Variants in LARS2 observed in about 807,000 individuals in gnomAD.
LARS2 encodes leucine--tRNA ligase, mitochondrial.
LARS2 carries 81 observed loss-of-function variants against 116.6 expected under a neutral mutation model. The ratio of observed to expected loss-of-function variants is 0.69; its 90% CI spans 0.58 to 0.84. LARS2 has a LOEUF of 0.84. LARS2 is among the 40% of genes least tolerant of loss of function. The pLI, the probability that LARS2 is intolerant of heterozygous loss-of-function variation, is 0.00. For synonymous variants in LARS2, 396 were observed against 407.2 expected (o/e 0.97, Z 0.33); for missense variants, 968 against 1,114.5 (o/e 0.87, Z 1.87).
At chr3:45,484,027 T>C (rs1435541995) in intron 10 of LARS2, 4 of 129,760 alleles carry the variant, frequency 3.1e-5, no homozygotes. Flanking sequence ...AGGGACATCC[T>C]GGCTCTACAA....
chr3:45,500,902 C>G (rs1700106731), intron 15 of LARS2, among the ~76,000 whole-genome samples: 1 of 151,996 alleles, frequency 6.6e-6, no homozygotes, highest in Non-Finnish European at 1.5e-5. Flanking sequence ...ATGCTTATCA[C>G]CCAGTCCTTC....
intron 6 of LARS2, among the ~76,000 whole-genome samples, chr3:45,426,592 G>A (rs944174538): frequency 6.6e-6 from 1 of 152,194 alleles, no homozygotes; most frequent in African/African-American, 2.4e-5. Context: ...ATAAGGGGTA[G>A]TGTAGTCTGT....
chr3:45,396,229 T>C (rs1294658671), intron 3 of LARS2, among the ~76,000 whole-genome samples: 1 of 152,224 alleles, frequency 6.6e-6, no homozygotes, highest in African/African-American at 2.4e-5. Flanking sequence ...GGCAGCCCCC[T>C]ATCAGGGTTT....
At chr3:45,399,788 C>T (rs11707177) in intron 3 of LARS2, among the ~76,000 whole-genome samples, 9 of 151,708 alleles carry the variant, frequency 5.9e-5, no homozygotes, top group African/African-American at 1.9e-4. Context: ...CCTTCACCCC[C>T]CTTTCCACCC....
At chr3:45,414,494 G>A (rs533632135) in intron 4 of LARS2, among the ~76,000 whole-genome samples, 152 of 152,266 alleles carry the variant, frequency 1.0e-3, no homozygotes, top group Non-Finnish European at 1.9e-3. Context: ...GTGAGGTGGT[G>A]CCAGTAAGTG....
At chr3:45,412,232 G>T (rs1698342570) in intron 4 of LARS2, among the ~76,000 whole-genome samples, 1 of 151,918 alleles carries the variant, frequency 6.6e-6, no homozygotes, top group Admixed American at 6.6e-5. Flanking sequence ...GGGTCAAATG[G>T]TAATTCTGTT....
At chr3:45,430,029 T>TTTTTTTTTTTTTTTTTTTTTTTG (rs1553629354) in intron 6 of LARS2, among the ~76,000 whole-genome samples, 1 of 138,762 alleles carries the variant, frequency 7.2e-6, no homozygotes, top group African/African-American at 2.8e-5. Context: ...TTTTTTTTTT[T>TTTTTTTTTTTTTTTTTTTTTTTG]GAGACAGAGT....
intron 7 of LARS2, among the ~76,000 whole-genome samples, chr3:45,448,599 A>G (rs1699059984): frequency 6.7e-6 from 1 of 150,178 alleles, no homozygotes; most frequent in South Asian, 2.1e-4. Flanking sequence ...ATATTTATTA[A>G]CAGAAAGGGA....
intron 20 of LARS2, among the ~76,000 whole-genome samples, chr3:45,529,068 C>T (rs1483978068): frequency 2.0e-5 from 3 of 152,004 alleles, no homozygotes; most frequent in Admixed American, 6.6e-5. Flanking sequence ...AGGGTTTCAC[C>T]GTGTTGCCAG....
chr3:45,534,152 A>G (rs1028901828), intron 20 of LARS2, among the ~76,000 whole-genome samples: 2 of 152,108 alleles, frequency 1.3e-5, no homozygotes, highest in South Asian at 2.1e-4. Flanking sequence ...TGGGAAACCT[A>G]TGTCTCCTGC....
chr3:45,520,320 T>C (rs767536489), intron 19 of LARS2, 24 bp downstream of exon 19: 1 of 1,589,542 alleles, frequency 6.3e-7, no homozygotes, highest in Admixed American at 1.7e-5. Context: ...CCTCATTTGC[T>C]GGTAGCAGAG....
intron 8 of LARS2, among the ~76,000 whole-genome samples, chr3:45,463,723 G>T (rs907095777): frequency 1.3e-5 from 2 of 151,848 alleles, no homozygotes; most frequent in Non-Finnish European, 2.9e-5. Flanking sequence ...CCCTAGGCAG[G>T]GTGCTAAGAA....
chr3:45,396,214 C>T (rs1698041333), intron 3 of LARS2, among the ~76,000 whole-genome samples: 1 of 152,162 alleles, frequency 6.6e-6, no homozygotes, highest in African/African-American at 2.4e-5. Context: ...TGTGTGTGAT[C>T]CCCTGGCAGC....
Position 45,462,096 on chromosome 3 carries a change from T to C in LARS2, c.750+3210T>C, listed in dbSNP as rs2125711864. Among the ~76,000 whole-genome samples the C allele has an allele frequency of 1.3e-5, 2 of 152,312 alleles. 1 individual carries two copies. The highest frequency in any genetic ancestry group is 4.8e-5 in the African/African-American group (2 of 41,572). ...TGAATCAGTTAGTAATGCTTTCGGC[T>C]GCAAGCAGCTGGAAACCTGAGAAAT... On this transcript the variant is annotated intron_variant, in intron 8 of 21. Coordinates refer to ENST00000645846, the MANE Select transcript of LARS2 (RefSeq NM_015340.4).
At chr3:45,545,932 C>T (rs1187094717) in intron 21 of LARS2, among the ~76,000 whole-genome samples, 1 of 151,636 alleles carries the variant, frequency 6.6e-6, no homozygotes, top group Non-Finnish European at 1.5e-5. Flanking sequence ...GTTATTCACT[C>T]CAGAATCTGG....
At chr3:45,392,210 T>G (rs895774424) in intron 2 of LARS2, among the ~76,000 whole-genome samples, 1 of 152,218 alleles carries the variant, frequency 6.6e-6, no homozygotes, top group Non-Finnish European at 1.5e-5. Flanking sequence ...ATTGCTAACA[T>G]TTAACCAATT....
chr3:45,443,213 G>A (rs1042497026), intron 6 of LARS2, among the ~76,000 whole-genome samples: 8 of 152,148 alleles, frequency 5.3e-5, no homozygotes, highest in African/African-American at 1.7e-4. Context: ...CTACAGAACT[G>A]GGTTTTGAAT....
At chr3:45,434,575 T>C (rs995442662) in intron 6 of LARS2, among the ~76,000 whole-genome samples, 1 of 152,240 alleles carries the variant, frequency 6.6e-6, no homozygotes, top group African/African-American at 2.4e-5. Flanking sequence ...CATCATGGTG[T>C]TGGTGTATGT....
chr3:45,475,990 G>A (rs190756662), intron 9 of LARS2, among the ~76,000 whole-genome samples: 50 of 152,076 alleles, frequency 3.3e-4, no homozygotes, highest in African/African-American at 1.2e-3. Context: ...CATGAACTCA[G>A]CTCAGGCCAT....
Sources: allele counts gnomAD v4.1 joint callset (sites outside exome capture counted in the v4.1 genomes callset), GRCh38; gene constraint gnomAD v4.1.1; transcripts MANE v1.5; gene names NCBI Gene and HGNC (gene_info 2026-07-23, HGNC 2026-07-21).